Variants in BCL7C observed in about 807,000 individuals in gnomAD.
BCL7C encodes the protein BAF chromatin remodeling complex subunit BCL7C, also known as B-cell CLL/lymphoma 7 protein family member C.
Under a neutral mutation model 26.2 loss-of-function variants are expected in BCL7C, and 8 were observed. The observed-to-expected ratio is 0.30, with a 90% CI of 0.18 to 0.55. BCL7C has a LOEUF of 0.55. Ranked by LOEUF, BCL7C falls within the 20% of genes least tolerant of loss-of-function variation. BCL7C has a pLI of 0.93. For missense variants in BCL7C, 262 were observed against 298.5 expected, an observed-to-expected ratio of 0.88 and a Z score of 0.90; for synonymous variants, 90 against 116.5, an observed-to-expected ratio of 0.77 and a Z score of 1.47.
chr16:30,838,085 C>T (rs1207471933), intron 5 of BCL7C, among the ~76,000 whole-genome samples: 2 of 152,194 alleles, frequency 1.3e-5, no homozygotes, highest in Admixed American at 6.5e-5. Flanking sequence ...CTGAACAGCC[C>T]GAGGTCTCAA....
chr16:30,878,686 T>C (rs1596611343), intron 5 of BCL7C, among the ~76,000 whole-genome samples: 1 of 148,958 alleles, frequency 6.7e-6, no homozygotes, highest in Non-Finnish European at 1.5e-5. Flanking sequence ...CTACTAAAAA[T>C]ACAAAAATTA....
chr16:30,878,688 C>G (rs1382771809), intron 5 of BCL7C, among the ~76,000 whole-genome samples: 2 of 136,916 alleles, frequency 1.5e-5, no homozygotes, highest in Admixed American at 7.3e-5. Context: ...ACTAAAAATA[C>G]AAAAATTAGC....
At chr16:30,847,100 C>T (rs2151361789) in intron 5 of BCL7C, among the ~76,000 whole-genome samples, 1 of 152,296 alleles carries the variant, frequency 6.6e-6, no homozygotes, top group East Asian at 1.9e-4. Context: ...CCATGACAAG[C>T]CTAAAACAAT....
intron 5 of BCL7C, among the ~76,000 whole-genome samples, chr16:30,843,057 A>G (rs1215856435): frequency 1.3e-5 from 2 of 152,238 alleles, no homozygotes; most frequent in East Asian, 3.8e-4. Context: ...CTGGCCATCC[A>G]GCCAAATCAT....
chr16:30,834,822 C>G lies in BCL7C; in HGVS notation c.*126G>C. On this transcript the variant is annotated 3_prime_UTR_variant, in exon 6 of 6. Transcript: ENST00000380317. This position sits in a 1 kb window ranked among gnomAD's most constrained non-coding sequence, Gnocchi z 4.3. ...AGGTTCGGGCAGGTGTGGGGCCGCT[C>G]GCCCTCCGATGTTACCGCGGTGGGT... 1 of 985,248 alleles carries G rather than the reference C, an allele frequency of 1.0e-6. No homozygotes were observed. Among genetic ancestry groups the G allele is most frequent in the Non-Finnish European group, 1.4e-6 (1 of 689,914 alleles). 61.0% of individuals were successfully genotyped at this position (985,248 alleles called of 1,614,324 possible). A position where few individuals can be genotyped will look rare whatever the true frequency, so the allele number is the denominator to read the frequency against.
chr16:30,850,994 ATATT>A (rs2054670325), intron 5 of BCL7C, among the ~76,000 whole-genome samples: 1 of 152,222 alleles, frequency 6.6e-6, no homozygotes, highest in Non-Finnish European at 1.5e-5. Flanking sequence ...GCTCAAACAC[ATATT>A]TATTAATCAA....
intron 5 of BCL7C, among the ~76,000 whole-genome samples, chr16:30,870,075 G>A (rs2054869565): frequency 6.6e-6 from 1 of 151,846 alleles, no homozygotes; most frequent in Non-Finnish European, 1.5e-5. Context: ...CTTAGCCCAG[G>A]GCCTGCCACC....
intron 5 of BCL7C, among the ~76,000 whole-genome samples, chr16:30,880,287 C>G (rs548628665): frequency 1.2e-3 from 185 of 151,462 alleles, no homozygotes; most frequent in Non-Finnish European, 2.2e-3. Context: ...AGTTCAAGAC[C>G]AGCCTGGGCA....
At chr16:30,874,253 C>A (rs951086923) in intron 5 of BCL7C, among the ~76,000 whole-genome samples, 1 of 152,044 alleles carries the variant, frequency 6.6e-6, no homozygotes, top group Non-Finnish European at 1.5e-5. Context: ...GACGTGGCCT[C>A]TTAAAGTGCT....
At chr16:30,845,622 C>A (rs1299365877) in intron 5 of BCL7C, among the ~76,000 whole-genome samples, 1 of 152,166 alleles carries the variant, frequency 6.6e-6, no homozygotes, top group Non-Finnish European at 1.5e-5. Context: ...GGATCTCAGC[C>A]CTTGTGGGAG....
At chr16:30,839,078 G>A (rs1241643616) in intron 5 of BCL7C, among the ~76,000 whole-genome samples, 2 of 152,326 alleles carry the variant, frequency 1.3e-5, no homozygotes, top group South Asian at 4.1e-4. Context: ...CTGGAGGTGG[G>A]TGCCATTCAC....
In BCL7C at chr16:30,893,086, A is replaced by G; in HGVS notation, c.171+126T>C. The G allele has an allele frequency of 1.6e-6, 2 of 1,234,074 alleles. No individual in the cohort carries two copies. Among genetic ancestry groups the G allele is most frequent in the South Asian group, 2.8e-5 (2 of 72,232 alleles). 76.4% of individuals were successfully genotyped at this position (1,234,074 alleles called of 1,614,324 possible). On this transcript the variant is annotated intron_variant, in intron 2 of 5. Transcript: ENST00000215115. This position sits in a 1 kb window ranked among gnomAD's most constrained non-coding sequence, Gnocchi z 5.2. ...AGAGGGCAAAAGGGGAGGAGCTGCTAATGATGGTTCCCGTCTGTCCTGCTG... is the reference window on the plus strand; with the variant it reads ...AGAGGGCAAAAGGGGAGGAGCTGCTGATGATGGTTCCCGTCTGTCCTGCTG...
At chr16:30,881,470 G>C (rs1343918059) in intron 5 of BCL7C, among the ~76,000 whole-genome samples, 2 of 151,808 alleles carry the variant, frequency 1.3e-5, no homozygotes, top group East Asian at 3.9e-4. Flanking sequence ...ATGCTTTTCT[G>C]CTCAGAACAC....
At chr16:30,837,363 A>T (rs2054576376) in intron 5 of BCL7C, among the ~76,000 whole-genome samples, 2 of 150,928 alleles carry the variant, frequency 1.3e-5, no homozygotes, top group Admixed American at 1.3e-4. Flanking sequence ...GGTGATAATA[A>T]TTTTTTTTTG....
In BCL7C at chr16:30,888,111, G is replaced by A. The variant is rs2055164490; in HGVS notation, c.529-121C>T. On this transcript the variant is annotated intron_variant, in intron 5 of 5. Transcript: ENST00000215115. ...CCTGGGCCCGGGAGGCAAGCCCAGGGCCAGATGCCCAGGATGCAGAGGAAG... is the reference window on the plus strand; with the variant it reads ...CCTGGGCCCGGGAGGCAAGCCCAGGACCAGATGCCCAGGATGCAGAGGAAG... The A allele has an allele frequency of 1.1e-5, 11 of 975,600 alleles. No individual in the cohort carries two copies. In the East Asian group the frequency reaches 3.3e-4, roughly 29 times the overall value. 60.4% of individuals were successfully genotyped at this position (975,600 alleles called of 1,614,324 possible).
Position 30,893,117 on chromosome 16 carries a change from G to T in BCL7C, c.171+95C>A. The T allele has an allele frequency of 7.3e-7, 1 of 1,361,004 alleles. No homozygotes were observed. Among genetic ancestry groups the T allele is most frequent in the Non-Finnish European group, 1.0e-6 (1 of 973,626 alleles). The allele number at this position is 1,361,004 out of a possible 1,614,324, so 84.3% of individuals were successfully genotyped here. ...GGTTCCCGTCTGTCCTGCTGCATCT[G>T]AGGTCTCGGGGAGCTGGAGGTAGAG... On this transcript the variant is annotated intron_variant, in intron 2 of 5. Transcript: ENST00000215115. The surrounding 1 kb of genome is among the most constrained non-coding windows in gnomAD (Gnocchi z 5.2).
At chr16:30,852,738 C>T (rs1382682302) in intron 5 of BCL7C, among the ~76,000 whole-genome samples, 2 of 151,796 alleles carry the variant, frequency 1.3e-5, no homozygotes, top group Non-Finnish European at 2.9e-5. Flanking sequence ...GTGATCCACC[C>T]GCCTTGGCCT....
chr16:30,856,439 TAAA>T (rs61380254), intron 5 of BCL7C, among the ~76,000 whole-genome samples: 3 of 116,550 alleles, frequency 2.6e-5, no homozygotes, highest in Non-Finnish European at 1.7e-5. Flanking sequence ...AGACTCCGTC[TAAA>T]AAAAAAAAAA....
chr16:30,883,809 G>A (rs566279514), downstream of BCL7C, among the ~76,000 whole-genome samples: 3 of 145,476 alleles, frequency 2.1e-5, no homozygotes, highest in South Asian at 2.3e-4. Context: ...GAGCCACCAC[G>A]CCAGGCCCAA....
Sources: gnomAD v4.1 joint callset for allele counts (sites outside exome capture counted in the v4.1 genomes callset) on GRCh38, gnomAD v4.1.1 for gene constraint, Gnocchi (gnomAD v3.1) non-coding constraint, MANE v1.5 for transcripts, NCBI Gene and HGNC (gene_info 2026-07-23, HGNC 2026-07-21) for gene names.